CACNA1D: variants seen among roughly 807,000 people sequenced by gnomAD.
CACNA1D encodes the protein calcium voltage-gated channel subunit alpha1 D.
CACNA1D carries 55 observed loss-of-function variants against 257.1 expected under a neutral mutation model. That is an observed-to-expected ratio of 0.21 (90% CI 0.17 to 0.27). The LOEUF (loss-of-function observed/expected upper bound fraction) is 0.27, where lower values mean the gene tolerates loss of function less well. Ranked by LOEUF, CACNA1D falls within the 10% of genes least tolerant of loss-of-function variation. The pLI is 1.00. For missense variants in CACNA1D, 1,876 were observed against 2,784.0 expected (o/e 0.67, Z 7.34); for synonymous variants, 980 against 1,014.9 (o/e 0.97, Z 0.65).
At chr3:53,557,252 T>C (rs1162913100) in intron 3 of CACNA1D, among the ~76,000 whole-genome samples, 1 of 152,136 alleles carries the variant, frequency 6.6e-6, no homozygotes, top group African/African-American at 2.4e-5. Context: ...TCCCAGCACT[T>C]GGGAGTCCGA....
intron 3 of CACNA1D, among the ~76,000 whole-genome samples, chr3:53,524,848 T>C (rs1303952437): frequency 6.6e-6 from 1 of 152,226 alleles, no homozygotes; most frequent in African/African-American, 2.4e-5. Context: ...GCCATGAATT[T>C]CAACCATATA....
intron 12 of CACNA1D, among the ~76,000 whole-genome samples, chr3:53,722,750 TC>T (rs1241903011): frequency 1.3e-5 from 2 of 152,196 alleles, no homozygotes; most frequent in African/African-American, 4.8e-5. Flanking sequence ...GGAAGGGACC[TC>T]GTAATCCCTG....
rs189750774 is a variant in CACNA1D at position 53,797,231 on chromosome 3, C to T, written c.4924-3018C>T. Among the ~76,000 whole-genome samples the T allele has an allele frequency of 1.1e-4, 16 of 152,198 alleles. No homozygotes were observed. In the East Asian group the frequency reaches 2.1e-3, roughly 20 times the overall value. ...TATGTGTGCTAGAAAAACTTCATTA[C>T]CATGTTTTGTGATATGTAATAAATT... On this transcript the variant is annotated intron_variant, in intron 40 of 47. Coordinates refer to ENST00000350061, the MANE Select transcript of CACNA1D (RefSeq NM_001128840.3).
At chr3:53,638,345 G>A (rs2093910106) in intron 3 of CACNA1D, among the ~76,000 whole-genome samples, 1 of 152,218 alleles carries the variant, frequency 6.6e-6, no homozygotes, top group Admixed American at 6.5e-5. Flanking sequence ...GCCTCCTCCG[G>A]GAAGAATTGT....
Position 53,689,715 on chromosome 3 carries a change from A to G in CACNA1D, c.1221-12926A>G, listed in dbSNP as rs117940166. ...GCTCTGTCACCCAGGCAGCAGTGCA[A>G]TGGTGCGATTGTAGCTCATTGCAGC... On this transcript the variant is annotated intron_variant, in intron 8 of 47. Coordinates refer to ENST00000350061, the MANE Select transcript of CACNA1D (RefSeq NM_001128840.3). 4.2e-3 allele frequency among the ~76,000 whole-genome samples: 638 copies of G among 152,258 alleles called. 25 individuals carry two copies. In the East Asian group the frequency reaches 0.085, roughly 20 times the overall value.
rs116861049 is a variant in CACNA1D, at chr3:53,547,720, C to G, written c.483+46000C>G. Among the ~76,000 whole-genome samples, 1,558 of 152,226 alleles carry G rather than the reference C, an allele frequency of 0.01. 92 individuals carry two copies. The South Asian group carries it at 0.16, about 16-fold the overall frequency. ...GATTATGGCAGTGGCCCTTTGGAGGCAGCTGCCTCTCTTGCTGACTGTCAT... is the reference window on the plus strand; with the variant it reads ...GATTATGGCAGTGGCCCTTTGGAGGGAGCTGCCTCTCTTGCTGACTGTCAT... On this transcript the variant is annotated intron_variant, in intron 3 of 47. Transcript: ENST00000350061.
chr3:53,542,456 T>G (rs1484013404), intron 3 of CACNA1D, among the ~76,000 whole-genome samples: 1 of 152,038 alleles, frequency 6.6e-6, no homozygotes, highest in Non-Finnish European at 1.5e-5. Context: ...GTGGTGTGGC[T>G]GTAGCACTAG....
At chr3:53,523,557 A>G (rs971301969) in intron 3 of CACNA1D, among the ~76,000 whole-genome samples, 1 of 152,254 alleles carries the variant, frequency 6.6e-6, no homozygotes, top group African/African-American at 2.4e-5. Flanking sequence ...GCACATTCCA[A>G]GTGCCATGGT....
Position 53,800,197 on chromosome 3 carries a change from G to C in CACNA1D, c.4924-52G>C. ...AGGAGCAAAGCCAGGACCCAGGCTG[G>C]CCCCAGGGCCCATGTGTGGTCTAAC... On this transcript the variant is annotated intron_variant, in intron 40 of 47. Coordinates refer to ENST00000350061, the MANE Select transcript of CACNA1D (RefSeq NM_001128840.3). The surrounding 1 kb of genome is among the most constrained non-coding windows in gnomAD (Gnocchi z 4.3). The C allele has an allele frequency of 7.7e-7, 1 of 1,296,556 alleles. No individual in the cohort carries two copies. Among genetic ancestry groups the C allele is most frequent in the Non-Finnish European group, 1.1e-6 (1 of 889,948 alleles). 80.3% of individuals were successfully genotyped at this position (1,296,556 alleles called of 1,614,324 possible). A position where few individuals can be genotyped will look rare whatever the true frequency, so the allele number is the denominator to read the frequency against.
chr3:53,539,316 G>A (rs774629691), intron 3 of CACNA1D, among the ~76,000 whole-genome samples: 2 of 152,000 alleles, frequency 1.3e-5, no homozygotes, highest in Admixed American at 1.3e-4. Flanking sequence ...CACCATGTTA[G>A]CCAGGCTGGC....
chr3:53,607,773 C>G (rs945682787), intron 3 of CACNA1D, among the ~76,000 whole-genome samples: 1 of 152,174 alleles, frequency 6.6e-6, no homozygotes, highest in African/African-American at 2.4e-5. Context: ...TCCAGTTGTT[C>G]TAGCATCATT....
intron 3 of CACNA1D, among the ~76,000 whole-genome samples, chr3:53,587,787 G>A (rs555678396): frequency 4.1e-4 from 62 of 152,256 alleles, no homozygotes; most frequent in African/African-American, 1.2e-3. Context: ...GCTGTTCTGC[G>A]GGTCCCAGAG....
At chr3:53,661,939 G>T (rs2094207573) in intron 5 of CACNA1D, among the ~76,000 whole-genome samples, 1 of 152,146 alleles carries the variant, frequency 6.6e-6, no homozygotes, top group Non-Finnish European at 1.5e-5. Context: ...GAGGACTTTT[G>T]AGCTTATATT....
intron 7 of CACNA1D, among the ~76,000 whole-genome samples, chr3:53,669,873 G>A (rs1008024081): frequency 8.6e-5 from 13 of 151,908 alleles, no homozygotes; most frequent in Non-Finnish European, 1.6e-4. Context: ...GCCTGGTTGT[G>A]TGACCTTGAG....
intron 3 of CACNA1D, among the ~76,000 whole-genome samples, chr3:53,600,068 C>A (rs1353655357): frequency 6.6e-6 from 1 of 152,232 alleles, no homozygotes; most frequent in Non-Finnish European, 1.5e-5. Flanking sequence ...GGCACCAGGG[C>A]CAGCTTGGTA....
At chr3:53,711,964 T>G (rs2094761846) in intron 9 of CACNA1D, among the ~76,000 whole-genome samples, 1 of 152,200 alleles carries the variant, frequency 6.6e-6, no homozygotes, top group Non-Finnish European at 1.5e-5. Flanking sequence ...CTGGGCTTGA[T>G]GCAGCACCTG....
At chr3:53,807,450 G>A (rs1326043613) in intron 45 of CACNA1D, 1 of 152,320 alleles carries the variant, frequency 6.6e-6, no homozygotes, top group Non-Finnish European at 1.5e-5. Context: ...GGTCTCTTGT[G>A]TGCAGCCCCA....
In CACNA1D at chr3:53,495,789, C is replaced by T. The variant is rs978337890; in HGVS notation, c.67+556C>T. On this transcript the variant is annotated intron_variant, in intron 1 of 47. Transcript: ENST00000350061. The surrounding 1 kb of genome is among the most constrained non-coding windows in gnomAD (Gnocchi z 5.1). ...AGGGGTTCGGGTGGAGCGTGCGTTC[C>T]CGCTCCCGTCGCCGGCTGTGCACAC... Among the ~76,000 whole-genome samples, 4 of 152,228 alleles carry T rather than the reference C, an allele frequency of 2.6e-5. No homozygotes were observed. The highest frequency in any genetic ancestry group is 9.6e-5 in the African/African-American group (4 of 41,460).
At chr3:53,769,188 T>TG (rs1249777314) in intron 30 of CACNA1D, among the ~76,000 whole-genome samples, 2 of 152,070 alleles carry the variant, frequency 1.3e-5, no homozygotes, top group African/African-American at 4.8e-5. Flanking sequence ...GGGTGGGGGT[T>TG]GGGGGGCAGG....
Sources: gnomAD v4.1 joint callset for allele counts (sites outside exome capture counted in the v4.1 genomes callset) on GRCh38, gnomAD v4.1.1 for gene constraint, Gnocchi (gnomAD v3.1) non-coding constraint, MANE v1.5 for transcripts, NCBI Gene and HGNC (gene_info 2026-07-23, HGNC 2026-07-21) for gene names.